TSPAN11: variants seen among roughly 807,000 people sequenced by gnomAD.
The protein encoded by TSPAN11 is tetraspanin-11.
In TSPAN11, 29 loss-of-function variants were observed where a neutral mutation model predicts 32.9. That is an observed-to-expected ratio of 0.88 (90% confidence interval 0.66 to 1.20). The LOEUF (loss-of-function observed/expected upper bound fraction) is 1.20. Ranked by LOEUF, TSPAN11 falls within the 50% of genes most tolerant of loss-of-function variation. TSPAN11 has a pLI of 0.00. For synonymous variants in TSPAN11, 140 were observed against 141.3 expected (o/e 0.99, Z 0.07); for missense variants, 283 against 329.1 (o/e 0.86, Z 1.08).
chr12:30,973,879 G>A (rs753582437), intron 3 of TSPAN11, among the ~76,000 whole-genome samples: 15 of 152,066 alleles, frequency 9.9e-5, no homozygotes, highest in South Asian at 2.1e-4. Flanking sequence ...ACCTTATGGC[G>A]TCACACCCCT....
At chr12:30,928,963 ATAT>A (rs1241251712) in intron 1 of TSPAN11, among the ~76,000 whole-genome samples, 1 of 152,106 alleles carries the variant, frequency 6.6e-6, no homozygotes, top group Admixed American at 6.6e-5. Flanking sequence ...TGCTCAAGAG[ATAT>A]TATTGTTTGT....
At chr12:30,998,881 A>G (rs145943494), downstream of TSPAN11, 33 of 152,320 alleles carry the variant, frequency 2.2e-4, no homozygotes, top group East Asian at 5.6e-3. Context: ...CCTCTCCCCA[A>G]GTTGCCCGTT....
intron 3 of TSPAN11, among the ~76,000 whole-genome samples, chr12:30,968,831 AC>A (rs1565798382): frequency 6.6e-6 from 1 of 152,218 alleles, no homozygotes; most frequent in Non-Finnish European, 1.5e-5. Context: ...GACGTGGTCA[AC>A]CAGGGCACTA....
At chr12:30,999,534 G>C (rs115102316), downstream of TSPAN11, among the ~76,000 whole-genome samples, 996 of 152,228 alleles carry the variant, frequency 6.5e-3, 14 homozygotes, top group African/African-American at 0.023. Context: ...TTATAACAAA[G>C]TGTTGAATGT....
At chr12:30,962,760 T>C (rs551796316) in intron 2 of TSPAN11, among the ~76,000 whole-genome samples, 3 of 152,116 alleles carry the variant, frequency 2.0e-5, no homozygotes, top group Non-Finnish European at 4.4e-5. Flanking sequence ...AGACCCATCC[T>C]TAAATGGGGG....
intron 1 of TSPAN11, among the ~76,000 whole-genome samples, chr12:30,930,764 TG>T (rs1256294359): frequency 6.6e-6 from 1 of 152,216 alleles, no homozygotes; most frequent in Non-Finnish European, 1.5e-5. Context: ...TGGTCTCCCC[TG>T]TAGTAGTCAG....
At chr12:30,930,051 T>C (rs1277807449) in intron 1 of TSPAN11, among the ~76,000 whole-genome samples, 2 of 151,988 alleles carry the variant, frequency 1.3e-5, no homozygotes, top group Non-Finnish European at 1.5e-5. Flanking sequence ...GGGTCGGGAG[T>C]AGAGAACTGG....
intron 7 of TSPAN11, among the ~76,000 whole-genome samples, chr12:30,986,100 G>T (rs1330956660): frequency 6.6e-6 from 1 of 152,126 alleles, no homozygotes; most frequent in Non-Finnish European, 1.5e-5. Context: ...CTTCCCCAGG[G>T]TCATAGTTTA....
At chr12:30,966,366 G>A (rs1225206761) in intron 3 of TSPAN11, among the ~76,000 whole-genome samples, 1 of 152,188 alleles carries the variant, frequency 6.6e-6, no homozygotes, top group Non-Finnish European at 1.5e-5. Flanking sequence ...CACCCCAGCA[G>A]GTGCGCACAG....
intron 2 of TSPAN11, among the ~76,000 whole-genome samples, chr12:30,960,155 G>C (rs374419899): frequency 6.6e-6 from 1 of 151,692 alleles, no homozygotes; most frequent in Admixed American, 6.5e-5. Flanking sequence ...ATGGCGCGGC[G>C]CCATGTATGA....
intron 1 of TSPAN11, among the ~76,000 whole-genome samples, chr12:30,945,478 A>G (rs1314619815): frequency 6.6e-6 from 1 of 151,486 alleles, no homozygotes; most frequent in African/African-American, 2.4e-5. Context: ...GCTCCCAAGC[A>G]CTCCCCAACT....
chr12:30,974,521 A>G (rs977393405), intron 3 of TSPAN11, among the ~76,000 whole-genome samples: 3 of 152,230 alleles, frequency 2.0e-5, no homozygotes, highest in Non-Finnish European at 4.4e-5. Flanking sequence ...TGCCCGCAGC[A>G]TGGGGCTGGT....
intron 2 of TSPAN11, among the ~76,000 whole-genome samples, chr12:30,961,225 G>A (rs1225402800): frequency 3.3e-5 from 5 of 151,766 alleles, no homozygotes; most frequent in Non-Finnish European, 7.3e-5. Context: ...GCAGTTTCCA[G>A]GCGGCTTGAG....
chr12:30,941,257 G>GC lies in TSPAN11; in HGVS notation c.-11-12723dup, dbSNP rs374002453. Among the ~76,000 whole-genome samples, 43 of 152,340 alleles carry GC rather than the reference G, an allele frequency of 2.8e-4. 1 individual carries two copies. Among genetic ancestry groups the GC allele is most frequent in the African/African-American group, 1.0e-3 (42 of 41,576 alleles). ...TTCTGCGGGACCGACTGCCAACCTTGCGTATGCATGGATTTTGCTATACTT... is the reference window on the plus strand; with the variant it reads ...TTCTGCGGGACCGACTGCCAACCTTGCCGTATGCATGGATTTTGCTATACTT... On this transcript the variant is annotated intron_variant, in intron 1 of 7. Coordinates refer to ENST00000546076, the MANE Select transcript of TSPAN11 (RefSeq NM_001370302.1).
intron 3 of TSPAN11, among the ~76,000 whole-genome samples, chr12:30,966,540 G>GA (rs1167687360): frequency 2.6e-5 from 4 of 152,244 alleles, no homozygotes; most frequent in Non-Finnish European, 5.9e-5. Flanking sequence ...TCCAGATGAA[G>GA]AAACTGGGCT....
chr12:30,989,699 G>A (rs1269932413), intron 7 of TSPAN11, among the ~76,000 whole-genome samples: 1 of 152,202 alleles, frequency 6.6e-6, no homozygotes, highest in African/African-American at 2.4e-5. Context: ...ACACAAGACA[G>A]TCAAGACTGG....
chr12:30,970,077 A>G (rs1328233241), intron 3 of TSPAN11, among the ~76,000 whole-genome samples: 1 of 152,068 alleles, frequency 6.6e-6, no homozygotes, highest in Non-Finnish European at 1.5e-5. Flanking sequence ...AGGCTGTACT[A>G]TCTCTCCCAC....
chr12:30,936,782 G>A (rs902274524), intron 1 of TSPAN11, among the ~76,000 whole-genome samples: 2 of 152,190 alleles, frequency 1.3e-5, no homozygotes, highest in African/African-American at 2.4e-5. Context: ...TGAGCCTGGA[G>A]CCCAGCAGGC....
intron 2 of TSPAN11, among the ~76,000 whole-genome samples, chr12:30,963,551 A>G (rs1189066231): frequency 6.6e-6 from 1 of 152,210 alleles, no homozygotes; most frequent in Non-Finnish European, 1.5e-5. Context: ...CTGGCCTCAT[A>G]CGCAATAGGC....
Sources: allele counts gnomAD v4.1 joint callset (sites outside exome capture counted in the v4.1 genomes callset), GRCh38; gene constraint gnomAD v4.1.1; transcripts MANE v1.5; gene names NCBI Gene and HGNC (gene_info 2026-07-23, HGNC 2026-07-21).